Variants in PTPRM observed in about 807,000 individuals in gnomAD.
PTPRM encodes protein tyrosine phosphatase receptor type M.
In PTPRM, 47 loss-of-function variants were observed where a neutral mutation model predicts 186.7. The observed-to-expected ratio is 0.25, with a 90% CI of 0.20 to 0.32. The LOEUF (loss-of-function observed/expected upper bound fraction) is 0.32. Among genes scored for constraint, PTPRM ranks in the 10% least tolerant of loss-of-function variants. The pLI is 1.00. For missense variants in PTPRM, 1,494 were observed against 1,865.0 expected (o/e 0.80, Z 3.66); for synonymous variants, 668 against 674.9 (o/e 0.99, Z 0.16).
At chr18:8,125,200 ACT>A (rs2092299965) in intron 13 of PTPRM, among the ~76,000 whole-genome samples, 1 of 88,944 alleles carries the variant, frequency 1.1e-5, no homozygotes, top group South Asian at 4.7e-4. Context: ...ACAGAGTGAG[ACT>A]CTGTCTCAAA....
intron 7 of PTPRM, among the ~76,000 whole-genome samples, chr18:8,065,713 C>A (rs1402391722): frequency 6.6e-6 from 1 of 152,182 alleles, no homozygotes; most frequent in Non-Finnish European, 1.5e-5. Context: ...AAATTTCCTA[C>A]AACTAGTGGT....
intron 2 of PTPRM, among the ~76,000 whole-genome samples, chr18:7,818,175 A>C (rs933844672): frequency 9.2e-5 from 14 of 152,204 alleles, no homozygotes; most frequent in African/African-American, 3.4e-4. Context: ...GATTTTATAC[A>C]ACAGCAGTCT....
intron 2 of PTPRM, among the ~76,000 whole-genome samples, chr18:7,805,474 T>TA (rs1187838513): frequency 9.8e-5 from 15 of 152,338 alleles, no homozygotes; most frequent in East Asian, 1.9e-4. Flanking sequence ...ACAACTGAGA[T>TA]AAAAAAACTT....
At chr18:7,775,230 A>C (rs2042523204) in intron 2 of PTPRM, among the ~76,000 whole-genome samples, 1 of 152,134 alleles carries the variant, frequency 6.6e-6, no homozygotes, top group Non-Finnish European at 1.5e-5. Flanking sequence ...TTAACTACTT[A>C]TAACTTCAAA....
intron 1 of PTPRM, among the ~76,000 whole-genome samples, chr18:7,598,884 A>G (rs1483238759): frequency 1.3e-5 from 2 of 152,044 alleles, no homozygotes; most frequent in Non-Finnish European, 2.9e-5. Context: ...ACTTAATAGT[A>G]AAGTCTCATT....
rs1446575579 is a variant in PTPRM at position 8,286,693 on chromosome 18, GA to G, written c.2755-9674del. On this transcript the variant is annotated intron_variant, in intron 19 of 32. Transcript: ENST00000580170. ...GTTCCATACAAGTGTTTGCTTTTAA[GA>G]GTAGGCATTGAACTTTCTGGCAGAG... Among the ~76,000 whole-genome samples the G allele has an allele frequency of 4.6e-5, 7 of 152,318 alleles. No individual in the cohort carries two copies. In the South Asian group the frequency reaches 1.5e-3, roughly 32 times the overall value.
chr18:8,012,545 C>G (rs1481780388), intron 7 of PTPRM, among the ~76,000 whole-genome samples: 1 of 152,164 alleles, frequency 6.6e-6, no homozygotes. Context: ...CTACTATGCA[C>G]CCAGGCTATG....
intron 7 of PTPRM, among the ~76,000 whole-genome samples, chr18:7,975,322 T>C (rs766760614): frequency 4.6e-5 from 7 of 152,220 alleles, no homozygotes; most frequent in Non-Finnish European, 1.0e-4. Context: ...ACACCAGTGT[T>C]TATAGCAGCT....
At chr18:7,817,349 T>C (rs113919361) in intron 2 of PTPRM, among the ~76,000 whole-genome samples, 1,579 of 152,332 alleles carry the variant, frequency 0.01, 20 homozygotes, top group African/African-American at 0.036. Flanking sequence ...ATCATATTGA[T>C]AATCCAGTGT....
intron 13 of PTPRM, among the ~76,000 whole-genome samples, chr18:8,115,298 G>C (rs1186306645): frequency 6.6e-6 from 1 of 152,132 alleles, no homozygotes; most frequent in African/African-American, 2.4e-5. Context: ...GTGTCTCTCT[G>C]AACCTAGTAA....
intron 5 of PTPRM, among the ~76,000 whole-genome samples, chr18:7,934,284 G>T (rs970579844): frequency 5.3e-5 from 8 of 151,914 alleles, no homozygotes; most frequent in African/African-American, 1.7e-4. Flanking sequence ...AGAGTTAACA[G>T]TTTTTCAGCT....
chr18:8,297,756 C>T (rs945328896), intron 20 of PTPRM, among the ~76,000 whole-genome samples: 1 of 152,124 alleles, frequency 6.6e-6, no homozygotes, highest in African/African-American at 2.4e-5. Context: ...TGACACAAAA[C>T]GTCCCAGCTG....
chr18:8,341,390 C>T (rs1452965526), intron 22 of PTPRM, among the ~76,000 whole-genome samples: 7 of 152,264 alleles, frequency 4.6e-5, no homozygotes, highest in Non-Finnish European at 2.9e-5. Flanking sequence ...CAGCAGCAAA[C>T]GAAGAAGGCT....
At chr18:7,928,665 A>C (rs575249487) in intron 5 of PTPRM, among the ~76,000 whole-genome samples, 2 of 152,296 alleles carry the variant, frequency 1.3e-5, no homozygotes, top group South Asian at 4.1e-4. Flanking sequence ...GAGAGAATAC[A>C]ATATAAATAC....
At chr18:8,232,703 C>A (rs2094301736) in intron 14 of PTPRM, among the ~76,000 whole-genome samples, 1 of 152,162 alleles carries the variant, frequency 6.6e-6, no homozygotes. Context: ...TGGTCTCAAA[C>A]TCCTGACCTC....
chr18:8,255,473 A>G (rs1012942430), intron 19 of PTPRM, among the ~76,000 whole-genome samples: 2 of 152,232 alleles, frequency 1.3e-5, no homozygotes, highest in African/African-American at 4.8e-5. Flanking sequence ...AATTTGAACC[A>G]TATTATGACT....
intron 2 of PTPRM, among the ~76,000 whole-genome samples, chr18:7,858,507 G>T (rs954282192): frequency 6.6e-6 from 1 of 152,196 alleles, no homozygotes; most frequent in Admixed American, 6.5e-5. Flanking sequence ...ATTACAATGA[G>T]CTGTGATTGT....
chr18:8,232,746 C>A (rs1281770585), intron 14 of PTPRM, among the ~76,000 whole-genome samples: 1 of 152,216 alleles, frequency 6.6e-6, no homozygotes, highest in East Asian at 1.9e-4. Context: ...AAGCTCCCCA[C>A]GACCCTATAT....
intron 14 of PTPRM, among the ~76,000 whole-genome samples, chr18:8,147,247 C>T (rs2092907467): frequency 6.6e-6 from 1 of 152,164 alleles, no homozygotes. Flanking sequence ...GCAGTCTGGC[C>T]ATTTTCACAA....
Sources: allele counts gnomAD v4.1 joint callset (sites outside exome capture counted in the v4.1 genomes callset), GRCh38; gene constraint gnomAD v4.1.1; transcripts MANE v1.5; gene names NCBI Gene and HGNC (gene_info 2026-07-23, HGNC 2026-07-21).